Variants in NDUFAF2 observed in about 807,000 individuals in gnomAD.
The protein encoded by NDUFAF2 is NADH dehydrogenase [ubiquinone] 1 alpha subcomplex assembly factor 2.
Under a neutral mutation model 22.8 loss-of-function variants are expected in NDUFAF2, and 13 were observed. The observed-to-expected ratio is 0.57, with a 90% confidence interval of 0.37 to 0.91. The LOEUF (loss-of-function observed/expected upper bound fraction) is 0.91, where lower values mean the gene tolerates loss of function less well. Among genes scored for constraint, NDUFAF2 ranks in the 40% least tolerant of loss-of-function variants. The pLI is 0.01. For missense variants in NDUFAF2, 162 were observed against 195.2 expected, an observed-to-expected ratio of 0.83 and a Z score of 1.01; for synonymous variants, 53 against 64.2, an observed-to-expected ratio of 0.83 and a Z score of 0.84.
intron 1 of NDUFAF2, among the ~76,000 whole-genome samples, chr5:61,007,220 G>A (rs12654390): frequency 2.0e-5 from 3 of 151,610 alleles, no homozygotes; most frequent in Admixed American, 2.0e-4. Context: ...GTAATGCCTA[G>A]GTTTTCTTCT....
intron 1 of NDUFAF2, among the ~76,000 whole-genome samples, chr5:61,044,543 G>A (rs1751922934): frequency 6.6e-6 from 1 of 151,984 alleles, no homozygotes; most frequent in Admixed American, 6.6e-5. Flanking sequence ...TTTTTCATGT[G>A]TATATCCAGT....
intron 1 of NDUFAF2, among the ~76,000 whole-genome samples, chr5:61,041,599 A>T (rs1286817156): frequency 1.3e-5 from 2 of 152,062 alleles, no homozygotes; most frequent in Non-Finnish European, 2.9e-5. Flanking sequence ...TAACTATGTG[A>T]CTCTTTCAGT....
At chr5:61,107,090 C>CACACAT (rs918380662) in intron 3 of NDUFAF2, among the ~76,000 whole-genome samples, 4 of 146,050 alleles carry the variant, frequency 2.7e-5, no homozygotes, top group East Asian at 2.0e-4. Flanking sequence ...CACACACACA[C>CACACAT]ATATATGCCT....
intron 1 of NDUFAF2, among the ~76,000 whole-genome samples, chr5:61,057,029 A>C (rs898726116): frequency 2.0e-5 from 3 of 146,850 alleles, no homozygotes; most frequent in Non-Finnish European, 4.5e-5. Flanking sequence ...AATTGGCCTC[A>C]GACTACCTAA....
At chr5:61,010,574 C>T (rs926629227) in intron 1 of NDUFAF2, among the ~76,000 whole-genome samples, 3 of 152,060 alleles carry the variant, frequency 2.0e-5, no homozygotes, top group African/African-American at 7.2e-5. Flanking sequence ...GGTTAGAATC[C>T]TGTGCTATAT....
chr5:61,097,123 G>A (rs1038466234), intron 2 of NDUFAF2, among the ~76,000 whole-genome samples: 2 of 152,130 alleles, frequency 1.3e-5, no homozygotes, highest in African/African-American at 4.8e-5. Context: ...TCCCAAGCCC[G>A]CAGTTGAATG....
At chr5:61,102,079 A>G (rs751042628) in intron 3 of NDUFAF2, among the ~76,000 whole-genome samples, 1 of 152,178 alleles carries the variant, frequency 6.6e-6, no homozygotes, top group Non-Finnish European at 1.5e-5. Flanking sequence ...CTGATGGTTC[A>G]TAGCCCATAT....
intron 1 of NDUFAF2, among the ~76,000 whole-genome samples, chr5:60,980,530 G>A (rs923875936): frequency 6.6e-6 from 1 of 152,134 alleles, no homozygotes; most frequent in Non-Finnish European, 1.5e-5. Context: ...CCAGCACTTT[G>A]GGAGGCTAAG....
At chr5:61,074,779 AAAG>A (rs1381791304) in intron 2 of NDUFAF2, among the ~76,000 whole-genome samples, 1 of 152,158 alleles carries the variant, frequency 6.6e-6, no homozygotes, top group Non-Finnish European at 1.5e-5. Flanking sequence ...AAAGAAAAGA[AAAG>A]AAATACCTGA....
intron 1 of NDUFAF2, among the ~76,000 whole-genome samples, chr5:61,015,020 TG>T (rs1291763239): frequency 6.6e-6 from 1 of 152,190 alleles, no homozygotes; most frequent in Non-Finnish European, 1.5e-5. Context: ...GCAGAATTTT[TG>T]TTTCTCCTTT....
intron 1 of NDUFAF2, among the ~76,000 whole-genome samples, chr5:61,052,975 T>C (rs1049669997): frequency 1.3e-5 from 2 of 152,244 alleles, no homozygotes; most frequent in African/African-American, 4.8e-5. Flanking sequence ...TGAAATTAAG[T>C]GTGCTATGTG....
chr5:60,961,355 G>A (rs1274068821), intron 1 of NDUFAF2, among the ~76,000 whole-genome samples: 4 of 152,040 alleles, frequency 2.6e-5, no homozygotes, highest in African/African-American at 9.7e-5. Flanking sequence ...CAGCACTTTG[G>A]GAGGCCAAGG....
At chr5:61,039,835 G>A (rs1275463124) in intron 1 of NDUFAF2, among the ~76,000 whole-genome samples, 1 of 152,122 alleles carries the variant, frequency 6.6e-6, no homozygotes, top group Non-Finnish European at 1.5e-5. Context: ...GGAATGGGTG[G>A]AACAGTCATC....
At chr5:60,962,640 G>A (rs1750704243) in intron 1 of NDUFAF2, among the ~76,000 whole-genome samples, 1 of 151,914 alleles carries the variant, frequency 6.6e-6, no homozygotes, top group South Asian at 2.1e-4. Context: ...AGACCATCCT[G>A]GCTAACACGG....
intron 2 of NDUFAF2, among the ~76,000 whole-genome samples, chr5:61,087,681 T>C (rs1752520443): frequency 6.6e-6 from 1 of 152,116 alleles, no homozygotes; most frequent in South Asian, 2.1e-4. Context: ...CATAAAGACA[T>C]AAGTCCAAAC....
chr5:61,131,271 C>G (rs1753108422), intron 3 of NDUFAF2, among the ~76,000 whole-genome samples: 1 of 150,144 alleles, frequency 6.7e-6, no homozygotes, highest in South Asian at 2.1e-4. Context: ...TCATAGCTAA[C>G]AGTAACCTCA....
At chr5:61,152,427 CATTT>C (rs1237411643) in intron 3 of NDUFAF2, among the ~76,000 whole-genome samples, 1 of 152,040 alleles carries the variant, frequency 6.6e-6, no homozygotes. Context: ...TAATATTTCA[CATTT>C]GTTTGTTTCA....
rs368842255 is a variant in NDUFAF2, at chr5:61,095,131, T to G, written c.218-3861T>G. Among the ~76,000 whole-genome samples the G allele has an allele frequency of 4.0e-5, 6 of 151,890 alleles. No individual in the cohort carries two copies. The South Asian group carries it at 6.2e-4, about 16-fold the overall frequency. ...CTCTGGGAGCTCTGTCTCAGGAAGTTCTCAAATCTCTGTCAGCCTGAGAAC... is the reference window on the plus strand; with the variant it reads ...CTCTGGGAGCTCTGTCTCAGGAAGTGCTCAAATCTCTGTCAGCCTGAGAAC... On this transcript the variant is annotated intron_variant, in intron 2 of 3. Coordinates refer to ENST00000296597, the MANE Select transcript of NDUFAF2 (RefSeq NM_174889.5).
chr5:60,951,065 TG>T (rs1389732407), intron 1 of NDUFAF2, among the ~76,000 whole-genome samples: 2 of 152,112 alleles, frequency 1.3e-5, no homozygotes, highest in Non-Finnish European at 2.9e-5. Flanking sequence ...AGTCTCACTC[TG>T]TCGCCCAGGC....
Sources: allele counts gnomAD v4.1 joint callset (sites outside exome capture counted in the v4.1 genomes callset), GRCh38; gene constraint gnomAD v4.1.1; transcripts MANE v1.5; gene names NCBI Gene and HGNC (gene_info 2026-07-23, HGNC 2026-07-21).